Variants in DCHS2 observed in about 807,000 individuals in gnomAD.
DCHS2 encodes the protein dachsous cadherin-related 2.
DCHS2 carries 142 observed loss-of-function variants against 182.4 expected under a neutral mutation model. That is an observed-to-expected ratio of 0.78 (90% CI 0.68 to 0.89). DCHS2 has a LOEUF of 0.89. DCHS2 is among the 40% of genes least tolerant of loss of function. The pLI is 0.00. For missense variants in DCHS2, 4,319 were observed against 4,198.6 expected, an observed-to-expected ratio of 1.03 and a Z score of -0.79; for synonymous variants, 1,740 against 1,663.3, an observed-to-expected ratio of 1.05 and a Z score of -1.12.
chr4:154,452,052 T>C (rs955039383), intron 1 of DCHS2, among the ~76,000 whole-genome samples: 3 of 152,308 alleles, frequency 2.0e-5, no homozygotes, highest in African/African-American at 7.2e-5. Flanking sequence ...AAAGGGCTGA[T>C]GTACAAAGTG....
intron 2 of DCHS2, among the ~76,000 whole-genome samples, chr4:154,366,954 G>A (rs1053719575): frequency 6.6e-6 from 1 of 152,146 alleles, no homozygotes; most frequent in Non-Finnish European, 1.5e-5. Flanking sequence ...GGGTGCCCTG[G>A]TGAAGCCTTC....
intron 1 of DCHS2, among the ~76,000 whole-genome samples, chr4:154,429,670 A>T (rs1413388501): frequency 6.6e-6 from 1 of 150,652 alleles, no homozygotes; most frequent in Non-Finnish European, 1.5e-5. Flanking sequence ...TTTTAAAGTT[A>T]CCCAATATCC....
intron 1 of DCHS2, among the ~76,000 whole-genome samples, chr4:154,424,983 C>T (rs1733263390): frequency 6.6e-6 from 1 of 152,162 alleles, no homozygotes; most frequent in Non-Finnish European, 1.5e-5. Context: ...TTTTAATTAA[C>T]ATCTTTTCCA....
chr4:154,394,408 T>C (rs1731847264), intron 1 of DCHS2, among the ~76,000 whole-genome samples: 1 of 152,160 alleles, frequency 6.6e-6, no homozygotes, highest in Non-Finnish European at 1.5e-5. Flanking sequence ...TATGTGACCT[T>C]GGACAGTAAC....
intron 1 of DCHS2, among the ~76,000 whole-genome samples, chr4:154,384,838 T>C (rs112120920): frequency 1.3e-5 from 2 of 152,174 alleles, no homozygotes; most frequent in Non-Finnish European, 2.9e-5. Context: ...AGCACAGCCC[T>C]GCTGGATTGC....
chr4:154,414,179 T>TTATATA (rs759077609), intron 1 of DCHS2, among the ~76,000 whole-genome samples: 136 of 147,406 alleles, frequency 9.2e-4, no homozygotes, highest in Non-Finnish European at 1.4e-3. Flanking sequence ...AATAAATCAA[T>TTATATA]TATATATATA....
chr4:154,298,478 C>T lies in DCHS2; in HGVS notation c.5836G>A (p.Ala1946Thr). The T allele has an allele frequency of 1.2e-6, 2 of 1,614,164 alleles. No homozygotes were observed. Among genetic ancestry groups the T allele is most frequent in the South Asian group, 2.2e-5 (2 of 91,074 alleles). ...ACAAGAACCACTGTTCCCACTTCAG[C>T]ATCTTCTCTCACAGAGGACTGGTAA... The part of the protein sequence containing the change: ...LYYQSSVRED[A>T]EVGTVVLVLS... Residue 1946 changes from alanine (A) to threonine (T), a missense_variant, in exon 13 of 20, where the codon GCT becomes ACT. By Grantham distance (58) the Ala-to-Thr change is moderately conservative. Coordinates refer to ENST00000357232, the MANE Select transcript of DCHS2 (RefSeq NM_001358235.2).
chr4:154,395,671 A>G (rs766449876), intron 1 of DCHS2, among the ~76,000 whole-genome samples: 6 of 152,192 alleles, frequency 3.9e-5, no homozygotes, highest in Non-Finnish European at 8.8e-5. Flanking sequence ...GAGTTAAAGC[A>G]TTTTCAAAGC....
chr4:154,347,729 G>A (rs180748302), intron 3 of DCHS2, among the ~76,000 whole-genome samples: 2 of 151,848 alleles, frequency 1.3e-5, no homozygotes, highest in Non-Finnish European at 2.9e-5. Context: ...GGGAAAGTAG[G>A]AGGAACTTGA....
chr4:154,476,424 G>T (rs1735682764), intron 1 of DCHS2, among the ~76,000 whole-genome samples: 1 of 152,114 alleles, frequency 6.6e-6, no homozygotes, highest in East Asian at 1.9e-4. Flanking sequence ...ACACAAAAAG[G>T]GTATTAATTG....
In DCHS2 at chr4:154,377,304, G is replaced by A. The variant is rs1264070162; in HGVS notation, c.2193C>T (p.Asp731=). 6.2e-7 allele frequency: 1 copy of A among 1,613,626 alleles called. No homozygotes were observed. Among genetic ancestry groups the A allele is most frequent in the South Asian group, 1.1e-5 (1 of 91,042 alleles). Residue 731 remains aspartate, a synonymous_variant, in exon 2 of 20, where the codon GAC becomes GAT. Coordinates refer to ENST00000357232, the MANE Select transcript of DCHS2 (RefSeq NM_001358235.2). ...CATAGGTAGCTGGATCCCTTTCCCTGTCGATATCTTGAGAAACACAGATTT... is the reference window on the plus strand; with the variant it reads ...CATAGGTAGCTGGATCCCTTTCCCTATCGATATCTTGAGAAACACAGATTT... ...DGQICVSQDI[D]RERDPATYDL...
intron 9 of DCHS2, 78 bp from the exon 10 acceptor site, chr4:154,316,065 C>G (rs1374221064): frequency 1.3e-6 from 2 of 1,550,174 alleles, no homozygotes; most frequent in East Asian, 4.5e-5. Context: ...TTATATCTAA[C>G]TTGTCTACCT....
chr4:154,298,165 T>A lies in DCHS2; in HGVS notation c.6149A>T (p.Glu2050Val). 6.2e-7 allele frequency: 1 copy of A among 1,614,108 alleles called. No individual in the cohort carries two copies. Among genetic ancestry groups the A allele is most frequent in the Middle Eastern group, 1.7e-4 (1 of 6,058 alleles). ...GACAGTTGTCTGGTTTGTAGGCGAC[T>A]CGGGGGAAAGAAACACATCAAAAGG... ...QNPFDVFLSP[E>V]SPTNQTTVIV... Residue 2050 changes from glutamate to valine, a missense_variant, in exon 13 of 20, where the codon GAG (glutamate) becomes GTG (valine). Glu to Val is a moderately radical substitution (Grantham distance 121). Transcript: ENST00000357232.
intron 1 of DCHS2, among the ~76,000 whole-genome samples, chr4:154,431,188 A>G (rs1295784312): frequency 6.6e-6 from 1 of 152,194 alleles, no homozygotes; most frequent in Admixed American, 6.5e-5. Context: ...TGAAAACTAG[A>G]GTGAACAGAC....
intron 3 of DCHS2, chr4:154,355,621 C>A (rs1398951072): frequency 6.6e-6 from 1 of 152,096 alleles, no homozygotes; most frequent in Non-Finnish European, 1.5e-5. Context: ...GTCCAAGAAC[C>A]CTCTCTTGGG....
At chr4:154,442,541 C>CCACACA (rs70947167) in intron 1 of DCHS2, among the ~76,000 whole-genome samples, 45 of 50,292 alleles carry the variant, frequency 8.9e-4, no homozygotes, top group South Asian at 1.7e-3. Flanking sequence ...CCCCCCCCCC[C>CCACACA]CACACACACA....
intron 1 of DCHS2, among the ~76,000 whole-genome samples, chr4:154,443,019 T>C (rs1045446152): frequency 1.3e-5 from 2 of 152,024 alleles, no homozygotes; most frequent in Non-Finnish European, 2.9e-5. Context: ...TTCCCTTTCT[T>C]TGACCACCTC....
In DCHS2 at chr4:154,391,313, C is replaced by G. The variant is rs932365293; in HGVS notation, c.2053-13869G>C. The G allele has an allele frequency of 7.0e-6, 11 of 1,570,854 alleles. No individual in the cohort carries two copies. In the East Asian group the frequency reaches 2.5e-4, roughly 36 times the overall value. ...CCAGTCTCATGATTTTAAATATCTC[C>G]TATATGAGGGTAGCTTCAACTTCAT... On this transcript the variant is annotated intron_variant, in intron 1 of 19. Transcript: ENST00000357232.
chr4:154,242,688 G>T lies in DCHS2; in HGVS notation c.7026C>A (p.Asp2342Glu), dbSNP rs1030363419. The T allele has an allele frequency of 6.8e-6, 11 of 1,612,912 alleles. No individual in the cohort carries two copies. In the African/African-American group the frequency reaches 1.3e-4, roughly 20 times the overall value. Residue 2342 changes from aspartate to glutamate, a missense_variant, in exon 17 of 20, where the codon GAC becomes GAA. Physicochemically the swap from Asp to Glu is conservative, Grantham distance 45. Transcript: ENST00000357232. ...VIKVQVTDIN[D>E]NAPAFLPSEA... ...CAGAGGGGAGAAAAGCTGGGGCATTGTCATTTATATCAGTCACCTGTACCT... is the reference window on the plus strand; with the variant it reads ...CAGAGGGGAGAAAAGCTGGGGCATTTTCATTTATATCAGTCACCTGTACCT...
Sources: allele counts gnomAD v4.1 joint callset (sites outside exome capture counted in the v4.1 genomes callset), GRCh38; gene constraint gnomAD v4.1.1; transcripts MANE v1.5; gene names NCBI Gene and HGNC (gene_info 2026-07-23, HGNC 2026-07-21).